PLGRKT: variants seen among roughly 807,000 people sequenced by gnomAD.
PLGRKT encodes the protein plasminogen receptor (KT).
A neutral mutation model predicts 18.5 loss-of-function variants in PLGRKT; 22 were observed. The observed-to-expected ratio is 1.19, with a 90% CI of 0.85 to 1.70. The LOEUF is 1.70. PLGRKT is among the 40% of genes most tolerant of loss of function. The pLI is 0.00. For missense variants in PLGRKT, 235 were observed against 174.4 expected, an observed-to-expected ratio of 1.35 and a Z score of -1.96; for synonymous variants, 72 against 52.8, an observed-to-expected ratio of 1.36 and a Z score of -1.58.
intron 2 of PLGRKT, among the ~76,000 whole-genome samples, chr9:5,435,278 C>A (rs1317397642): frequency 6.7e-6 from 1 of 150,292 alleles, no homozygotes; most frequent in East Asian, 1.9e-4. Flanking sequence ...GACCCTGCCA[C>A]ATCCCCCTCT....
rs545406102 is a variant in PLGRKT, at chr9:5,407,020, T to A, written c.81+24877A>T. Among the ~76,000 whole-genome samples, 8 of 152,324 alleles carry A rather than the reference T, an allele frequency of 5.3e-5. No homozygotes were observed. In the South Asian group the frequency reaches 1.5e-3, roughly 28 times the overall value. On this transcript the variant is annotated intron_variant, in intron 3 of 5. Coordinates refer to ENST00000223864, the MANE Select transcript of PLGRKT (RefSeq NM_018465.4). Reference sequence around the variant, plus strand: ...TGTTTCAGGAAAGAAAAATCACCCATAGTCCCTCACTTTTATATTGCTTTT... The same window carrying A: ...TGTTTCAGGAAAGAAAAATCACCCAAAGTCCCTCACTTTTATATTGCTTTT...
intron 3 of PLGRKT, among the ~76,000 whole-genome samples, chr9:5,391,768 A>G (rs1299048812): frequency 6.6e-6 from 1 of 151,964 alleles, no homozygotes; most frequent in African/African-American, 2.4e-5. Flanking sequence ...AGCTGTCCTT[A>G]AACTTTTAGC....
chr9:5,428,077 A>G (rs961595863), intron 3 of PLGRKT, among the ~76,000 whole-genome samples: 1 of 152,164 alleles, frequency 6.6e-6, no homozygotes, highest in African/African-American at 2.4e-5. Flanking sequence ...CAGCCAAAAA[A>G]CAAGGCGACG....
At chr9:5,377,500 T>C (rs570839312) in intron 3 of PLGRKT, among the ~76,000 whole-genome samples, 5 of 152,324 alleles carry the variant, frequency 3.3e-5, no homozygotes, top group Non-Finnish European at 4.4e-5. Flanking sequence ...AAGCTAACAA[T>C]ATTTTTTAAA....
chr9:5,414,991 T>C (rs1818431675), intron 3 of PLGRKT, among the ~76,000 whole-genome samples: 1 of 152,196 alleles, frequency 6.6e-6, no homozygotes, highest in African/African-American at 2.4e-5. Flanking sequence ...TACATGTCTT[T>C]GCTAAGAGGA....
At chr9:5,429,361 A>G (rs1211800802) in intron 3 of PLGRKT, among the ~76,000 whole-genome samples, 2 of 152,230 alleles carry the variant, frequency 1.3e-5, no homozygotes, top group Admixed American at 1.3e-4. Context: ...ACAGGCACCA[A>G]ATACATCCTG....
At chr9:5,393,348 A>G (rs1188225667) in intron 3 of PLGRKT, among the ~76,000 whole-genome samples, 2 of 151,544 alleles carry the variant, frequency 1.3e-5, no homozygotes, top group Admixed American at 1.3e-4. Flanking sequence ...TCTACTTCCT[A>G]CACCTCTTGG....
At chr9:5,423,480 C>T (rs905456708) in intron 3 of PLGRKT, among the ~76,000 whole-genome samples, 5 of 152,208 alleles carry the variant, frequency 3.3e-5, no homozygotes, top group African/African-American at 9.6e-5. Flanking sequence ...TTTATCCTTA[C>T]GTACACTCAG....
intron 2 of PLGRKT, among the ~76,000 whole-genome samples, chr9:5,434,786 G>A (rs1384195079): frequency 2.0e-5 from 3 of 152,140 alleles, no homozygotes; most frequent in South Asian, 2.1e-4. Flanking sequence ...CTGCCTGGCC[G>A]CCCCATCTGG....
chr9:5,373,086 C>T (rs1324041758), intron 3 of PLGRKT, among the ~76,000 whole-genome samples: 1 of 152,128 alleles, frequency 6.6e-6, no homozygotes, highest in Non-Finnish European at 1.5e-5. Flanking sequence ...AATCCTTCAC[C>T]TTTCTATATA....
chr9:5,382,478 G>T (rs1817765958), intron 3 of PLGRKT, among the ~76,000 whole-genome samples: 2 of 152,184 alleles, frequency 1.3e-5, no homozygotes, highest in African/African-American at 2.4e-5. Context: ...GGAACAGCAT[G>T]GGCCAAAGCC....
intron 3 of PLGRKT, among the ~76,000 whole-genome samples, chr9:5,380,665 T>G (rs77665332): frequency 0.018 from 2,699 of 152,308 alleles, 81 homozygotes; most frequent in African/African-American, 0.062. Flanking sequence ...TTATTTTATC[T>G]TTTTCCCACT....
intron 3 of PLGRKT, among the ~76,000 whole-genome samples, chr9:5,369,262 A>G (rs1003584410): frequency 2.0e-5 from 3 of 152,252 alleles, no homozygotes; most frequent in African/African-American, 7.2e-5. Flanking sequence ...ACAAGAAAAA[A>G]AGAACTCCAT....
intron 3 of PLGRKT, among the ~76,000 whole-genome samples, chr9:5,365,357 A>C (rs1433978597): frequency 6.6e-6 from 1 of 152,234 alleles, no homozygotes; most frequent in Non-Finnish European, 1.5e-5. Context: ...GTTGGATTAT[A>C]ACCTAAAGTA....
intron 3 of PLGRKT, among the ~76,000 whole-genome samples, chr9:5,363,593 G>T (rs1347718400): frequency 6.6e-6 from 1 of 152,108 alleles, no homozygotes; most frequent in Admixed American, 6.5e-5. Context: ...AACCATTTAT[G>T]CTCTGCAGTA....
chr9:5,407,072 A>C (rs570310511), intron 3 of PLGRKT, among the ~76,000 whole-genome samples: 1 of 152,168 alleles, frequency 6.6e-6, no homozygotes, highest in Non-Finnish European at 1.5e-5. Context: ...CATGTATAAA[A>C]TTTTCTCAAA....
Position 5,361,813 on chromosome 9 carries a change from A to T in PLGRKT, c.157T>A (p.Phe53Ile). Residue 53 changes from phenylalanine to isoleucine, a missense_variant, in exon 4 of 6, where the codon TTC becomes ATC. Coordinates refer to ENST00000223864, the MANE Select transcript of PLGRKT (RefSeq NM_018465.4). Reference sequence around the variant, plus strand: ...AAAAAAGTTCCAAAATATTTGAGGAATTCCCGAGACCACGCAATCTGCATG... The same window carrying T: ...AAAAAAGTTCCAAAATATTTGAGGATTTCCCGAGACCACGCAATCTGCATG... ...MAMQIAWSREFLKYFGTFFGL... is the reference protein window; with the variant it reads ...MAMQIAWSREILKYFGTFFGL... 6.2e-7 allele frequency: 1 copy of T among 1,613,484 alleles called. No individual in the cohort carries two copies. Among genetic ancestry groups the T allele is most frequent in the Non-Finnish European group, 8.5e-7 (1 of 1,179,648 alleles).
chr9:5,380,042 A>C (rs1460007839), intron 3 of PLGRKT, among the ~76,000 whole-genome samples: 1 of 152,258 alleles, frequency 6.6e-6, no homozygotes, highest in Admixed American at 6.5e-5. Context: ...AAATTCTGAT[A>C]TATTCTTGCT....
chr9:5,437,551 C>T (rs1818984053), intron 1 of PLGRKT: 1 of 152,264 alleles, frequency 6.6e-6, no homozygotes, highest in Non-Finnish European at 1.5e-5. Context: ...TTTTTCTCAA[C>T]TCTATTTTAA....
Sources: allele counts gnomAD v4.1 joint callset (sites outside exome capture counted in the v4.1 genomes callset), GRCh38; gene constraint gnomAD v4.1.1; transcripts MANE v1.5; gene names NCBI Gene and HGNC (gene_info 2026-07-23, HGNC 2026-07-21).